Variants in GFRA2 observed in about 807,000 individuals in gnomAD.
GFRA2 encodes the protein GDNF family receptor alpha-2.
In GFRA2, 17 loss-of-function variants were observed where a neutral mutation model predicts 48.3. The ratio of observed to expected loss-of-function variants is 0.35; its 90% confidence interval spans 0.24 to 0.53. The LOEUF is 0.53. GFRA2 is among the 20% of genes least tolerant of loss of function. The pLI, the probability that GFRA2 is intolerant of heterozygous loss-of-function variation, is 0.93. For synonymous variants in GFRA2, 305 were observed against 257.2 expected (o/e 1.19, Z -1.78); for missense variants, 660 against 637.3 (o/e 1.04, Z -0.38).
intron 2 of GFRA2, among the ~76,000 whole-genome samples, chr8:21,803,863 C>G (rs75524288): frequency 6.6e-6 from 1 of 152,042 alleles, no homozygotes. Context: ...AAACTCCCAG[C>G]GACCCAAAGC....
chr8:21,766,490 T>C (rs1200799966), intron 3 of GFRA2, among the ~76,000 whole-genome samples: 1 of 151,760 alleles, frequency 6.6e-6, no homozygotes, highest in Non-Finnish European at 1.5e-5. Flanking sequence ...TTCACACACC[T>C]TCCCTCTGAG....
upstream of GFRA2, among the ~76,000 whole-genome samples, chr8:21,792,657 A>C (rs1318939381): frequency 6.6e-6 from 1 of 152,196 alleles, no homozygotes; most frequent in Non-Finnish European, 1.5e-5. Flanking sequence ...ATCAGAGAGG[A>C]CTTGCTAGGG....
chr8:21,808,549 G>A (rs904953100), intron 1 of GFRA2, among the ~76,000 whole-genome samples: 1 of 152,184 alleles, frequency 6.6e-6, no homozygotes, highest in Non-Finnish European at 1.5e-5. Context: ...CTGTAGGACG[G>A]GACTTGGTCA....
intron 4 of GFRA2, among the ~76,000 whole-genome samples, chr8:21,720,111 G>A (rs1173240580): frequency 6.6e-6 from 1 of 151,690 alleles, no homozygotes; most frequent in Non-Finnish European, 1.5e-5. Context: ...TTATTCCACG[G>A]CATATTGTTA....
intron 3 of GFRA2, among the ~76,000 whole-genome samples, chr8:21,766,826 C>T (rs1379408232): frequency 6.9e-6 from 1 of 144,946 alleles, no homozygotes; most frequent in Non-Finnish European, 1.5e-5. Context: ...ACACGCTCCA[C>T]ACACCTCATG....
chr8:21,755,612 G>C (rs1245288505), intron 3 of GFRA2, among the ~76,000 whole-genome samples: 2 of 151,346 alleles, frequency 1.3e-5, no homozygotes, highest in African/African-American at 4.9e-5. Flanking sequence ...GGTGTGGAGA[G>C]AAAAGCATCC....
At chr8:21,725,413 C>T (rs1324117168) in intron 4 of GFRA2, among the ~76,000 whole-genome samples, 1 of 152,186 alleles carries the variant, frequency 6.6e-6, no homozygotes, top group East Asian at 1.9e-4. Flanking sequence ...CAGCCTGGGG[C>T]GGGGGGACAG....
chr8:21,723,500 G>A (rs1186372003), intron 4 of GFRA2, among the ~76,000 whole-genome samples: 1 of 152,094 alleles, frequency 6.6e-6, no homozygotes, highest in Non-Finnish European at 1.5e-5. Flanking sequence ...TTTCTGGAGA[G>A]AGCTTTACAA....
chr8:21,811,268 A>T (rs904220950), intron 1 of GFRA2, among the ~76,000 whole-genome samples: 3 of 152,144 alleles, frequency 2.0e-5, no homozygotes, highest in African/African-American at 7.2e-5. Flanking sequence ...AGGCATCCTC[A>T]CAGCGGGTCT....
chr8:21,760,268 CACATGG>C (rs1173415434), intron 3 of GFRA2, among the ~76,000 whole-genome samples: 1 of 152,176 alleles, frequency 6.6e-6, no homozygotes, highest in Non-Finnish European at 1.5e-5. Context: ...CATTCACTGA[CACATGG>C]AACTGAGGGT....
intron 2 of GFRA2, among the ~76,000 whole-genome samples, chr8:21,795,357 T>TTTTTTTC (rs1259488153): frequency 6.6e-6 from 1 of 151,492 alleles, no homozygotes; most frequent in African/African-American, 2.4e-5. Context: ...CATTGTCTTT[T>TTTTTTTC]TTTTTTCTTT....
chr8:21,699,111 C>T (rs114663245), intron 7 of GFRA2, among the ~76,000 whole-genome samples: 1,714 of 152,332 alleles, frequency 0.011, 22 homozygotes, highest in African/African-American at 0.038. Context: ...ACCATGGTCC[C>T]GGCCCATGAG....
intron 4 of GFRA2, among the ~76,000 whole-genome samples, chr8:21,712,001 A>G (rs975382571): frequency 6.6e-6 from 1 of 152,234 alleles, no homozygotes; most frequent in African/African-American, 2.4e-5. Flanking sequence ...GTTGGGGGTA[A>G]GGTCACAGAT....
intron 7 of GFRA2, among the ~76,000 whole-genome samples, chr8:21,696,720 G>A (rs528591958): frequency 6.6e-6 from 1 of 152,202 alleles, no homozygotes; most frequent in Non-Finnish European, 1.5e-5. Flanking sequence ...CTCGGAGTGA[G>A]CAGAACTTGA....
In GFRA2 at chr8:21,693,256, A is replaced by G. The variant is rs15881; in HGVS notation, c.*22T>C. On this transcript the variant is annotated 3_prime_UTR_variant, in exon 9 of 9. Coordinates refer to ENST00000524240, the MANE Select transcript of GFRA2 (RefSeq NM_001495.5). The stretch of plus-strand genomic sequence containing the variant: ...TCTTGTCTGCGTAGCTTTCAAAAAT[A>G]TTCTGACTCGGTTCCCACAGCCTAC... 6.3e-6 allele frequency: 10 copies of G among 1,598,290 alleles called. No individual in the cohort carries two copies. Among genetic ancestry groups the G allele is most frequent in the South Asian group, 1.1e-5 (1 of 89,526 alleles).
intron 2 of GFRA2, among the ~76,000 whole-genome samples, chr8:21,802,109 C>T (rs901690218): frequency 2.0e-5 from 3 of 152,200 alleles, no homozygotes; most frequent in African/African-American, 7.2e-5. Context: ...AATGTCTCAC[C>T]CTTCTCACTC....
chr8:21,756,154 G>C (rs191064941), intron 3 of GFRA2, among the ~76,000 whole-genome samples: 129 of 152,304 alleles, frequency 8.5e-4, no homozygotes, highest in Non-Finnish European at 1.5e-3. Context: ...CAGGTGCTCC[G>C]TTCCCACTCC....
chr8:21,699,964 G>C (rs140043927), intron 7 of GFRA2, among the ~76,000 whole-genome samples: 1 of 152,210 alleles, frequency 6.6e-6, no homozygotes, highest in African/African-American at 2.4e-5. Flanking sequence ...AACACATCAC[G>C]ATGGGGCCAT....
At chr8:21,791,515 T>C (rs1421280833), upstream of GFRA2, among the ~76,000 whole-genome samples, 1 of 149,852 alleles carries the variant, frequency 6.7e-6, no homozygotes, top group Non-Finnish European at 1.5e-5. Flanking sequence ...GCATCATCCC[T>C]TATTTCCTGA....
Sources: gnomAD v4.1 joint callset for allele counts (sites outside exome capture counted in the v4.1 genomes callset) on GRCh38, gnomAD v4.1.1 for gene constraint, MANE v1.5 for transcripts, NCBI Gene and HGNC (gene_info 2026-07-23, HGNC 2026-07-21) for gene names.